The following HERC4 variants were observed in gnomAD, a reference collection of about 807,000 sequenced individuals.
HERC4 encodes probable E3 ubiquitin-protein ligase HERC4.
In HERC4, 28 loss-of-function variants were observed where a neutral mutation model predicts 124.3. The observed-to-expected ratio is 0.23, with a 90% CI of 0.17 to 0.31. HERC4 has a LOEUF of 0.31. Among genes scored for constraint, HERC4 ranks in the 10% least tolerant of loss-of-function variants. HERC4 has a pLI of 1.00. For synonymous variants in HERC4, 407 were observed against 421.5 expected, an observed-to-expected ratio of 0.97 and a Z score of 0.42; for missense variants, 713 against 1,229.3, an observed-to-expected ratio of 0.58 and a Z score of 6.28.
intron 15 of HERC4, among the ~76,000 whole-genome samples, chr10:67,968,738 C>T (rs2035050145): frequency 6.6e-6 from 1 of 151,818 alleles, no homozygotes; most frequent in South Asian, 2.1e-4. Context: ...GGGCATATTT[C>T]ATAATAATAA....
chr10:67,984,842 G>T (rs113408146), intron 15 of HERC4, among the ~76,000 whole-genome samples: 12,042 of 152,050 alleles, frequency 0.079, 1,263 homozygotes, highest in African/African-American at 0.24. Flanking sequence ...CCTCAGCCTC[G>T]CAAAGTGCTG....
At chr10:68,015,233 G>A (rs940635987) in intron 8 of HERC4, among the ~76,000 whole-genome samples, 1 of 152,158 alleles carries the variant, frequency 6.6e-6, no homozygotes, top group Non-Finnish European at 1.5e-5. Flanking sequence ...ACCAAGGTTA[G>A]CAGCTAAAGG....
intron 15 of HERC4, among the ~76,000 whole-genome samples, chr10:67,968,743 T>C (rs1483007062): frequency 6.6e-6 from 1 of 152,048 alleles, no homozygotes; most frequent in Non-Finnish European, 1.5e-5. Context: ...TATTTCATAA[T>C]AATAAAAGGA....
intron 3 of HERC4, among the ~76,000 whole-genome samples, chr10:68,060,162 T>A (rs987593540): frequency 2.6e-5 from 4 of 151,420 alleles, no homozygotes; most frequent in Non-Finnish European, 5.9e-5. Flanking sequence ...ACCTGGCATA[T>A]AATGGAGGTT....
intron 4 of HERC4, chr10:68,040,483 A>G: frequency 1.4e-6 from 1 of 736,874 alleles, no homozygotes; most frequent in African/African-American, 1.9e-5. Context: ...ATAAATTAGA[A>G]AATAATTAAA....
intron 23 of HERC4, among the ~76,000 whole-genome samples, chr10:67,931,592 T>G (rs764224178): frequency 1.3e-5 from 2 of 151,854 alleles, no homozygotes; most frequent in Non-Finnish European, 2.9e-5. Context: ...ACCCGATTAA[T>G]TTTTGTATTT....
intron 9 of HERC4, among the ~76,000 whole-genome samples, chr10:68,000,721 T>C (rs1329645782): frequency 6.6e-6 from 1 of 152,142 alleles, no homozygotes; most frequent in African/African-American, 2.4e-5. Context: ...TTTGTGTCCT[T>C]ATAAAAGGGG....
intron 3 of HERC4, among the ~76,000 whole-genome samples, chr10:68,060,804 T>C (rs2040967340): frequency 6.6e-6 from 1 of 152,130 alleles, no homozygotes; most frequent in Non-Finnish European, 1.5e-5. Flanking sequence ...AGTTATGAAA[T>C]CTATAGCTAA....
intron 9 of HERC4, among the ~76,000 whole-genome samples, chr10:68,008,392 C>T (rs554119552): frequency 6.6e-6 from 1 of 152,260 alleles, no homozygotes; most frequent in East Asian, 1.9e-4. Flanking sequence ...AGGGCAGCAG[C>T]TTCCCTTCTA....
At position 67,992,588 on chromosome 10, in the gene HERC4, A is replaced by G. The variant is rs2036611219; in HGVS notation, c.1146+18T>C. On this transcript the variant is annotated intron_variant, in intron 10 of 24. Transcript: ENST00000373700. ...AATTATTGGAGCTATTTAATTATTT[A>G]CATGACTATATTATTACCTGGGGAC... 7.3e-7 allele frequency: 1 copy of G among 1,360,620 alleles called. No individual in the cohort carries two copies. Among genetic ancestry groups the G allele is most frequent in the South Asian group, 1.3e-5 (1 of 78,060 alleles). 84.3% of individuals were successfully genotyped at this position (1,360,620 alleles called of 1,614,324 possible). A position where few individuals can be genotyped will look rare whatever the true frequency, so the allele number is the denominator to read the frequency against.
At position 68,059,984 on chromosome 10, in the gene HERC4, G is replaced by T. The variant is rs559110008; in HGVS notation, c.226+12899C>A. On this transcript the variant is annotated intron_variant, in intron 3 of 24. Coordinates refer to ENST00000373700, the MANE Select transcript of HERC4 (RefSeq NM_015601.4). ...GTTTCTCTTGCTATTATAATAATTT[G>T]GTTTCTTTTCTTCCATTGTTCTAAT... 2.2e-5 allele frequency among the ~76,000 whole-genome samples: 3 copies of T among 136,034 alleles called. No homozygotes were observed. In the South Asian group the frequency reaches 6.6e-4, roughly 30 times the overall value. 89.2% of individuals were successfully genotyped at this position (136,034 alleles called of 152,430 possible). A position where few individuals can be genotyped will look rare whatever the true frequency, so the allele number is the denominator to read the frequency against.
chr10:67,950,313 G>A (rs1207620009), intron 19 of HERC4, among the ~76,000 whole-genome samples: 1 of 150,168 alleles, frequency 6.7e-6, no homozygotes, highest in Admixed American at 6.6e-5. Flanking sequence ...GTCTTGCTCT[G>A]TCCCCAGGCT....
At chr10:68,046,266 C>T (rs1329020434) in intron 3 of HERC4, among the ~76,000 whole-genome samples, 4 of 152,098 alleles carry the variant, frequency 2.6e-5, no homozygotes, top group African/African-American at 9.7e-5. Flanking sequence ...CAAGTTCTCT[C>T]CAGAACAATC....
intron 17 of HERC4, chr10:67,956,197 C>T (rs1300615090): frequency 6.6e-6 from 1 of 152,076 alleles, no homozygotes; most frequent in Non-Finnish European, 1.5e-5. Flanking sequence ...GTCAGATATT[C>T]TATACCAGAG....
intron 15 of HERC4, among the ~76,000 whole-genome samples, chr10:67,977,224 C>T (rs549887776): frequency 6.6e-6 from 1 of 152,262 alleles, no homozygotes; most frequent in Non-Finnish European, 1.5e-5. Context: ...CCAGCTCAGC[C>T]ACAGCTGGAT....
intron 6 of HERC4, 36 bp downstream of exon 6, chr10:68,033,929 A>G (rs1007407856): frequency 1.3e-6 from 2 of 1,556,850 alleles, no homozygotes; most frequent in South Asian, 2.2e-5. Context: ...ATCTCTTTCA[A>G]AAAGTACACT....
chr10:68,059,139 AG>A (rs1241744810), intron 3 of HERC4, among the ~76,000 whole-genome samples: 3 of 152,122 alleles, frequency 2.0e-5, no homozygotes, highest in Non-Finnish European at 4.4e-5. Context: ...CTTTAAAAAA[AG>A]TTAATACGTA....
rs181092240 is a variant in HERC4 at position 67,995,015 on chromosome 10, G to A, written c.1070-2333C>T. On this transcript the variant is annotated intron_variant, in intron 9 of 24. Coordinates refer to ENST00000373700, the MANE Select transcript of HERC4 (RefSeq NM_015601.4). Reference sequence around the variant, plus strand: ...CTTAATTTCCTTTTAATCACTACTCGAAAAAGTTTGAGAAACCTAGTCATT... The same window carrying A: ...CTTAATTTCCTTTTAATCACTACTCAAAAAAGTTTGAGAAACCTAGTCATT... The A allele has an allele frequency of 1.5e-3, 373 of 249,304 alleles. 1 individual carries two copies. Among genetic ancestry groups the A allele is most frequent in the African/African-American group, 7.9e-3 (341 of 43,420 alleles). The allele number at this position is 249,304 out of a possible 1,614,324, so 15.4% of individuals were successfully genotyped here.
intron 11 of HERC4, among the ~76,000 whole-genome samples, chr10:67,991,581 T>C (rs1299901739): frequency 1.3e-5 from 2 of 152,180 alleles, no homozygotes; most frequent in Non-Finnish European, 2.9e-5. Context: ...TCAGAAAAAT[T>C]ATAGTTTTGG....
Sources: gnomAD v4.1 joint callset for allele counts (sites outside exome capture counted in the v4.1 genomes callset) on GRCh38, gnomAD v4.1.1 for gene constraint, MANE v1.5 for transcripts, NCBI Gene and HGNC (gene_info 2026-07-23, HGNC 2026-07-21) for gene names.